NOL4: variants seen among roughly 807,000 people sequenced by gnomAD.
NOL4 encodes nucleolar protein 4, also known as cancer/testis antigen 125.
Under a neutral mutation model 75.9 loss-of-function variants are expected in NOL4, and 17 were observed. The ratio of observed to expected loss-of-function variants is 0.22; its 90% CI spans 0.15 to 0.34. NOL4 has a LOEUF of 0.34. NOL4 is among the 10% of genes least tolerant of loss of function. The probability of loss-of-function intolerance (pLI) is 1.00; values close to 1 mark genes in which losing one functional copy is unlikely to be tolerated. For synonymous variants in NOL4, 292 were observed against 289.9 expected (o/e 1.01, Z -0.07); for missense variants, 614 against 793.5 (o/e 0.77, Z 2.72).
chr18:33,922,138 C>T (rs2067078928), intron 9 of NOL4, among the ~76,000 whole-genome samples: 1 of 152,048 alleles, frequency 6.6e-6, no homozygotes, highest in Non-Finnish European at 1.5e-5. Flanking sequence ...GAGAGAAGAC[C>T]CATAATTATG....
chr18:34,125,837 A>T (rs1255431071), intron 2 of NOL4, among the ~76,000 whole-genome samples: 1 of 152,182 alleles, frequency 6.6e-6, no homozygotes, highest in Non-Finnish European at 1.5e-5. Flanking sequence ...AAGCAAATGA[A>T]ATAACTGAAA....
chr18:34,014,412 A>G (rs2074561622), intron 6 of NOL4, among the ~76,000 whole-genome samples: 1 of 152,028 alleles, frequency 6.6e-6, no homozygotes, highest in Non-Finnish European at 1.5e-5. Flanking sequence ...ATTGCTTCAG[A>G]ATATTTAACC....
chr18:34,063,727 G>A (rs892865494), intron 5 of NOL4, among the ~76,000 whole-genome samples: 19 of 151,962 alleles, frequency 1.3e-4, no homozygotes, highest in African/African-American at 3.4e-4. Context: ...AAATCATGAT[G>A]TGAAACAAAA....
intron 5 of NOL4, among the ~76,000 whole-genome samples, chr18:34,085,831 G>A (rs1016514275): frequency 6.6e-6 from 1 of 152,026 alleles, no homozygotes; most frequent in African/African-American, 2.4e-5. Context: ...TTTGGAAACA[G>A]AGAATTACTG....
chr18:34,110,337 T>C (rs913351245), intron 2 of NOL4, among the ~76,000 whole-genome samples: 1 of 152,022 alleles, frequency 6.6e-6, no homozygotes, highest in Admixed American at 6.6e-5. Flanking sequence ...TTATACCCTA[T>C]AGTCAAGTGG....
intron 10 of NOL4, among the ~76,000 whole-genome samples, chr18:33,881,722 AC>A (rs1288469256): frequency 6.6e-6 from 1 of 152,044 alleles, no homozygotes; most frequent in Non-Finnish European, 1.5e-5. Flanking sequence ...TTCATATGGA[AC>A]CAAAAACGAG....
chr18:33,967,185 C>T lies in NOL4; in HGVS notation c.1057-8767G>A, dbSNP rs151092306. On this transcript the variant is annotated intron_variant, in intron 6 of 10. Transcript: ENST00000261592. ...AGAAATAAAGCCACACACCTACAAC[C>T]ATCCAATCTTCAACAAAATTGACAA... Among the ~76,000 whole-genome samples, 745 of 152,118 alleles carry T rather than the reference C, an allele frequency of 4.9e-3. 7 individuals carry two copies. Among genetic ancestry groups the T allele is most frequent in the African/African-American group, 0.017 (695 of 41,514 alleles).
intron 1 of NOL4, among the ~76,000 whole-genome samples, chr18:34,200,027 A>G (rs1292485713): frequency 2.0e-5 from 3 of 151,780 alleles, no homozygotes; most frequent in Non-Finnish European, 4.4e-5. Flanking sequence ...TTCAGTTTTC[A>G]TTTTAGTAAT....
intron 6 of NOL4, among the ~76,000 whole-genome samples, chr18:34,002,502 T>G (rs960488088): frequency 6.6e-6 from 1 of 152,092 alleles, no homozygotes; most frequent in Non-Finnish European, 1.5e-5. Flanking sequence ...TCCTGCACTT[T>G]GACCATACCA....
At chr18:33,877,306 A>T (rs777233223) in intron 10 of NOL4, among the ~76,000 whole-genome samples, 11 of 151,592 alleles carry the variant, frequency 7.3e-5, no homozygotes, top group Non-Finnish European at 1.3e-4. Context: ...GTCTCAAAAA[A>T]TAATTAAAAA....
chr18:34,061,256 T>C (rs2077052631), intron 5 of NOL4, among the ~76,000 whole-genome samples: 1 of 152,168 alleles, frequency 6.6e-6, no homozygotes, highest in South Asian at 2.1e-4. Context: ...AGATATTTGC[T>C]GAATTAGTGT....
At chr18:33,905,460 G>C (rs1323794453) in intron 9 of NOL4, among the ~76,000 whole-genome samples, 1 of 152,128 alleles carries the variant, frequency 6.6e-6, no homozygotes, top group Non-Finnish European at 1.5e-5. Flanking sequence ...ATGAGCTCTT[G>C]AAGGACCTAA....
chr18:34,177,064 A>ATG (rs1481065110), intron 1 of NOL4, among the ~76,000 whole-genome samples: 2 of 152,024 alleles, frequency 1.3e-5, no homozygotes, highest in Non-Finnish European at 2.9e-5. Flanking sequence ...GCAACAGACA[A>ATG]ATAGGCGAAT....
chr18:33,977,700 A>G (rs1273224760), intron 6 of NOL4, among the ~76,000 whole-genome samples: 1 of 152,190 alleles, frequency 6.6e-6, no homozygotes, highest in Non-Finnish European at 1.5e-5. Context: ...TTTGATATTT[A>G]TTATGTTGAC....
intron 6 of NOL4, among the ~76,000 whole-genome samples, chr18:33,962,477 A>T (rs2070227166): frequency 6.6e-6 from 1 of 152,228 alleles, no homozygotes; most frequent in Admixed American, 6.5e-5. Flanking sequence ...ATTTAAATTG[A>T]CAGTGTTCAA....
rs75591587 is a variant in NOL4, at chr18:33,946,538, A to G, written c.1429-3360T>C. Among the ~76,000 whole-genome samples the G allele has an allele frequency of 1.8e-4, 28 of 151,906 alleles. No individual in the cohort carries two copies. In the East Asian group the frequency reaches 5.2e-3, roughly 28 times the overall value. Reference sequence around the variant, plus strand: ...TGATGAATTGGGAGTTATAATCCCTAGTGAACTATTATTCACATTTTACAA... The same window carrying G: ...TGATGAATTGGGAGTTATAATCCCTGGTGAACTATTATTCACATTTTACAA... On this transcript the variant is annotated intron_variant, in intron 8 of 10. Coordinates refer to ENST00000261592, the MANE Select transcript of NOL4 (RefSeq NM_003787.5).
At chr18:34,075,460 T>C (rs1229027438) in intron 5 of NOL4, among the ~76,000 whole-genome samples, 1 of 152,176 alleles carries the variant, frequency 6.6e-6, no homozygotes, top group Non-Finnish European at 1.5e-5. Context: ...GTTGGGTGCA[T>C]GCATTTTGAC....
chr18:34,171,453 A>G (rs926107204), intron 1 of NOL4, among the ~76,000 whole-genome samples: 1 of 152,174 alleles, frequency 6.6e-6, no homozygotes, highest in South Asian at 2.1e-4. Context: ...ATGAGCCACC[A>G]TATCACCTAT....
intron 5 of NOL4, among the ~76,000 whole-genome samples, chr18:34,049,977 C>T (rs1479277552): frequency 6.6e-6 from 1 of 152,086 alleles, no homozygotes; most frequent in Non-Finnish European, 1.5e-5. Context: ...CTCATTATTG[C>T]ACATAATGCA....
Sources: gnomAD v4.1 joint callset for allele counts (sites outside exome capture counted in the v4.1 genomes callset) on GRCh38, gnomAD v4.1.1 for gene constraint, MANE v1.5 for transcripts, NCBI Gene and HGNC (gene_info 2026-07-23, HGNC 2026-07-21) for gene names.